NNT: variants seen among roughly 807,000 people sequenced by gnomAD.
NNT encodes NAD(P) transhydrogenase, mitochondrial.
A neutral mutation model predicts 104.8 loss-of-function variants in NNT; 50 were observed. The ratio of observed to expected loss-of-function variants is 0.48; its 90% CI spans 0.38 to 0.60. The LOEUF (loss-of-function observed/expected upper bound fraction) is 0.60, where lower values mean the gene tolerates loss of function less well. Among genes scored for constraint, NNT ranks in the 20% least tolerant of loss-of-function variants. NNT has a pLI of 0.00. For synonymous variants in NNT, 461 were observed against 490.4 expected, an observed-to-expected ratio of 0.94 and a Z score of 0.79; for missense variants, 1,131 against 1,330.7, an observed-to-expected ratio of 0.85 and a Z score of 2.33.
chr5:43,704,572 G>A lies in NNT; in HGVS notation c.*168G>A. ...TGTATAGAGAGATTTTTCAAAAGCA[G>A]TAATCCCTCAATTTTAAAAAAGGAT... On this transcript the variant is annotated 3_prime_UTR_variant, in exon 22 of 22. Coordinates refer to ENST00000344920, the MANE Select transcript of NNT (RefSeq NM_182977.3). The A allele has an allele frequency of 1.8e-6, 1 of 545,188 alleles. No homozygotes were observed. Among genetic ancestry groups the A allele is most frequent in the East Asian group, 3.5e-5 (1 of 28,770 alleles). The allele number at this position is 545,188 out of a possible 1,614,324, so 33.8% of individuals were successfully genotyped here. A position where few individuals can be genotyped will look rare whatever the true frequency, so the allele number is the denominator to read the frequency against.
intron 20 of NNT, among the ~76,000 whole-genome samples, chr5:43,701,124 T>C (rs1742828556): frequency 6.6e-6 from 1 of 152,162 alleles, no homozygotes; most frequent in South Asian, 2.1e-4. Flanking sequence ...ACTTTTATTG[T>C]AGATTCAGGG....
intron 2 of NNT, 115 bp downstream of exon 2, chr5:43,609,461 A>T: frequency 1.0e-6 from 1 of 962,036 alleles, no homozygotes; most frequent in Non-Finnish European, 1.5e-6. Context: ...CTTGTGAGTG[A>T]TCATTTTAAA....
intron 7 of NNT, among the ~76,000 whole-genome samples, chr5:43,634,375 C>A (rs1451743389): frequency 2.0e-5 from 3 of 151,986 alleles, no homozygotes; most frequent in Admixed American, 2.0e-4. Flanking sequence ...ACAAGAATAA[C>A]TATACTCTCT....
intron 2 of NNT, 24 bp from the exon 3 acceptor site, chr5:43,612,884 T>TG (rs1561262307): frequency 6.7e-7 from 1 of 1,502,618 alleles, no homozygotes; most frequent in South Asian, 1.2e-5. Context: ...AATATATATT[T>TG]TTTTTGCCTT....
chr5:43,651,345 G>A (rs1739747493), intron 12 of NNT, among the ~76,000 whole-genome samples: 1 of 152,148 alleles, frequency 6.6e-6, no homozygotes, highest in African/African-American at 2.4e-5. Context: ...GGGAGGTCAA[G>A]GCGGGTAGAT....
At chr5:43,615,764 G>A (rs2111827942) in intron 3 of NNT, 84 bp from the exon 4 acceptor site, 1 of 979,282 alleles carries the variant, frequency 1.0e-6, no homozygotes, top group Non-Finnish European at 1.5e-6. Flanking sequence ...TTCAGTCATG[G>A]CATATTATCT....
rs115645524 is a variant in NNT at position 43,618,254 on chromosome 5, C to T, written c.600-778C>T. ...CCTGCGTTATCTCATTTAGTCCTCACGACCCTAAAAGATAGATGCTTTTTG... is the reference window on the plus strand; with the variant it reads ...CCTGCGTTATCTCATTTAGTCCTCATGACCCTAAAAGATAGATGCTTTTTG... On this transcript the variant is annotated intron_variant, in intron 4 of 21. Coordinates refer to ENST00000344920, the MANE Select transcript of NNT (RefSeq NM_182977.3). Among the ~76,000 whole-genome samples, 953 of 152,300 alleles carry T rather than the reference C, an allele frequency of 6.3e-3. 10 individuals are homozygous for T. The highest frequency in any genetic ancestry group is 0.022 in the African/African-American group (898 of 41,568).
intron 21 of NNT, among the ~76,000 whole-genome samples, chr5:43,703,154 T>C (rs1041076430): frequency 6.6e-6 from 1 of 152,204 alleles, no homozygotes; most frequent in Non-Finnish European, 1.5e-5. Flanking sequence ...TAAGTTGTTA[T>C]AGAGTGTCTA....
intron 19 of NNT, among the ~76,000 whole-genome samples, chr5:43,695,601 T>G (rs983646848): frequency 2.0e-5 from 3 of 152,188 alleles, no homozygotes; most frequent in African/African-American, 7.2e-5. Flanking sequence ...ATGTCTGTCA[T>G]TCATTAAATG....
intron 17 of NNT, among the ~76,000 whole-genome samples, chr5:43,660,032 T>G (rs1740272286): frequency 6.6e-6 from 1 of 152,236 alleles, no homozygotes; most frequent in South Asian, 2.1e-4. Flanking sequence ...AAAAATTCTT[T>G]TAAAATATTA....
intron 19 of NNT, among the ~76,000 whole-genome samples, chr5:43,683,251 G>T (rs1741815773): frequency 6.6e-6 from 1 of 152,220 alleles, no homozygotes; most frequent in South Asian, 2.1e-4. Flanking sequence ...TCACATCTAT[G>T]TTCAACCTAT....
At chr5:43,645,321 A>G in intron 9 of NNT, 36 bp from the exon 10 acceptor site, 1 of 1,362,820 alleles carries the variant, frequency 7.3e-7, no homozygotes, top group Non-Finnish European at 9.6e-7. Flanking sequence ...TGCTGGATTG[A>G]CTTTTTAATA....
Position 43,686,958 on chromosome 5 carries a change from T to G in NNT, c.2876+9152T>G, listed in dbSNP as rs140125030. Among the ~76,000 whole-genome samples the G allele has an allele frequency of 3.2e-3, 481 of 152,276 alleles. 1 individual carries two copies. Among genetic ancestry groups the G allele is most frequent in the African/African-American group, 0.011 (444 of 41,582 alleles). ...AGAACTCTTAACTGCTACCCTATACTGCTTTTCTAAATCCTTTCTCTAAAA... is the reference window on the plus strand; with the variant it reads ...AGAACTCTTAACTGCTACCCTATACGGCTTTTCTAAATCCTTTCTCTAAAA... On this transcript the variant is annotated intron_variant, in intron 19 of 21. Coordinates refer to ENST00000344920, the MANE Select transcript of NNT (RefSeq NM_182977.3).
intron 17 of NNT, among the ~76,000 whole-genome samples, chr5:43,659,940 G>C (rs1287675958): frequency 1.3e-5 from 2 of 152,168 alleles, no homozygotes; most frequent in East Asian, 3.9e-4. Context: ...TGGCATATCT[G>C]TGTATTTACT....
intron 6 of NNT, among the ~76,000 whole-genome samples, chr5:43,626,124 T>C (rs1045469286): frequency 5.9e-5 from 9 of 151,728 alleles, no homozygotes; most frequent in African/African-American, 2.2e-4. Flanking sequence ...ATCCATGTTC[T>C]ATTATCTGTG....
At chr5:43,666,453 G>A (rs558214673) in intron 17 of NNT, among the ~76,000 whole-genome samples, 131 of 152,284 alleles carry the variant, frequency 8.6e-4, no homozygotes, top group African/African-American at 2.8e-3. Context: ...CCAGTCAGGC[G>A]TGGCAGCGCG....
chr5:43,605,143 C>T (rs115296101), intron 1 of NNT, among the ~76,000 whole-genome samples: 2,079 of 152,274 alleles, frequency 0.014, 42 homozygotes, highest in African/African-American at 0.042. Flanking sequence ...GGTGCTTTCC[C>T]TCAAGGATTT....
At chr5:43,682,847 A>G (rs1741794799) in intron 19 of NNT, among the ~76,000 whole-genome samples, 1 of 152,190 alleles carries the variant, frequency 6.6e-6, no homozygotes, top group Non-Finnish European at 1.5e-5. Flanking sequence ...TCCAGGGGAT[A>G]CCTCAGTGAA....
chr5:43,647,221 A>G (rs2111855756), intron 10 of NNT, among the ~76,000 whole-genome samples: 1 of 152,336 alleles, frequency 6.6e-6, no homozygotes, highest in Non-Finnish European at 1.5e-5. Flanking sequence ...CTAGTGGTGA[A>G]CACTGTGAGT....
Sources: allele counts gnomAD v4.1 joint callset (sites outside exome capture counted in the v4.1 genomes callset), GRCh38; gene constraint gnomAD v4.1.1; transcripts MANE v1.5; gene names NCBI Gene and HGNC (gene_info 2026-07-23, HGNC 2026-07-21).